The following PDE1C variants were observed in gnomAD, a reference collection of about 807,000 sequenced individuals.
PDE1C encodes phosphodiesterase 1C.
PDE1C carries 62 observed loss-of-function variants against 93.1 expected under a neutral mutation model. That is an observed-to-expected ratio of 0.67 (90% CI 0.54 to 0.82). PDE1C has a LOEUF of 0.82. PDE1C is among the 40% of genes least tolerant of loss of function. The probability of loss-of-function intolerance (pLI) is 0.00; values close to 1 mark genes in which losing one functional copy is unlikely to be tolerated. For missense variants in PDE1C, 742 were observed against 884.6 expected (o/e 0.84, Z 2.04); for synonymous variants, 325 against 310.1 (o/e 1.05, Z -0.50).
intron 2 of PDE1C, among the ~76,000 whole-genome samples, chr7:32,183,733 A>C (rs1423442623): frequency 6.6e-6 from 1 of 152,228 alleles, no homozygotes; most frequent in Non-Finnish European, 1.5e-5. Flanking sequence ...TTGAGGACAT[A>C]GGCATGGGCA....
intron 11 of PDE1C, among the ~76,000 whole-genome samples, chr7:31,836,455 C>T (rs774058191): frequency 1.7e-4 from 26 of 152,132 alleles, no homozygotes; most frequent in African/African-American, 2.4e-4. Flanking sequence ...CTGCCTCAGC[C>T]TCTCAAGTAG....
chr7:32,377,869 A>T (rs1242126366), intron 1 of PDE1C, among the ~76,000 whole-genome samples: 1 of 152,176 alleles, frequency 6.6e-6, no homozygotes, highest in Non-Finnish European at 1.5e-5. Flanking sequence ...AAACCACTGG[A>T]GACAGCATCT....
At chr7:32,176,356 T>C (rs1432725072) in intron 2 of PDE1C, among the ~76,000 whole-genome samples, 2 of 152,016 alleles carry the variant, frequency 1.3e-5, no homozygotes, top group Non-Finnish European at 2.9e-5. Flanking sequence ...AGGGGAAATA[T>C]ATTTGTTTAT....
intron 2 of PDE1C, among the ~76,000 whole-genome samples, chr7:32,177,244 T>C (rs1803060326): frequency 6.6e-6 from 1 of 152,156 alleles, no homozygotes; most frequent in Non-Finnish European, 1.5e-5. Flanking sequence ...AAGTTTTTTC[T>C]TTTGGAAGTG....
intron 2 of PDE1C, among the ~76,000 whole-genome samples, chr7:31,946,750 C>A (rs1806670393): frequency 6.6e-6 from 1 of 152,190 alleles, no homozygotes; most frequent in South Asian, 2.1e-4. Context: ...ACTTTATGCA[C>A]TCTTAAACTT....
chr7:31,638,358 A>G, the PDE1C span, among the ~76,000 whole-genome samples: 7 of 152,228 alleles, frequency 4.6e-5, no homozygotes, highest in Non-Finnish European at 1.0e-4. Flanking sequence ...CAGCTGTTCT[A>G]TTACTCAGGT....
At chr7:32,174,153 G>A (rs557532592) in intron 2 of PDE1C, among the ~76,000 whole-genome samples, 2 of 152,252 alleles carry the variant, frequency 1.3e-5, no homozygotes, top group South Asian at 2.1e-4. Context: ...CTGGTTCTGG[G>A]AAGAAGAACA....
At chr7:31,963,739 G>A (rs1202297523) in intron 2 of PDE1C, among the ~76,000 whole-genome samples, 1 of 152,180 alleles carries the variant, frequency 6.6e-6, no homozygotes, top group Admixed American at 6.5e-5. Context: ...AATAAACACA[G>A]AGTGCAGTAA....
intron 1 of PDE1C, among the ~76,000 whole-genome samples, chr7:32,218,985 A>G (rs1012880114): frequency 3.9e-4 from 60 of 152,340 alleles, no homozygotes; most frequent in African/African-American, 1.3e-3. Context: ...GCTGAGACCC[A>G]AAGGCCTGGC....
At chr7:32,190,881 G>A (rs894796882) in intron 2 of PDE1C, among the ~76,000 whole-genome samples, 2 of 152,120 alleles carry the variant, frequency 1.3e-5, no homozygotes, top group African/African-American at 4.8e-5. Flanking sequence ...TTGTAGAAGA[G>A]GTGGTCTATG....
intron 2 of PDE1C, among the ~76,000 whole-genome samples, chr7:31,888,919 T>C (rs1798295022): frequency 6.6e-6 from 1 of 152,022 alleles, no homozygotes; most frequent in Non-Finnish European, 1.5e-5. Flanking sequence ...CACAGAAACA[T>C]CAAAACGAAA....
chr7:31,659,432 C>A, the PDE1C span, among the ~76,000 whole-genome samples: 2 of 152,236 alleles, frequency 1.3e-5, no homozygotes, highest in Admixed American at 6.5e-5. Flanking sequence ...CTCACTCTTT[C>A]CCTGTCTGTT....
chr7:32,295,180 T>A (rs1013755733), intron 1 of PDE1C, among the ~76,000 whole-genome samples: 1 of 152,202 alleles, frequency 6.6e-6, no homozygotes, highest in Admixed American at 6.5e-5. Flanking sequence ...AATGGTCTCA[T>A]CTCTTTCTGG....
chr7:32,226,637 A>G (rs1807295187), intron 1 of PDE1C, among the ~76,000 whole-genome samples: 1 of 152,120 alleles, frequency 6.6e-6, no homozygotes, highest in Admixed American at 6.5e-5. Context: ...CAGCATGGGG[A>G]GAGAGTGGTC....
intron 2 of PDE1C, among the ~76,000 whole-genome samples, chr7:31,939,248 A>G (rs1256345597): frequency 6.7e-6 from 1 of 149,702 alleles, no homozygotes; most frequent in Non-Finnish European, 1.5e-5. Context: ...GGAGGAGGAG[A>G]AGGAGGAGAA....
chr7:31,846,786 G>A (rs1291206799), intron 9 of PDE1C, among the ~76,000 whole-genome samples: 1 of 152,052 alleles, frequency 6.6e-6, no homozygotes, highest in Non-Finnish European at 1.5e-5. Context: ...TTTTCCTGAA[G>A]TGGTGCAATG....
chr7:32,128,695 GTA>G (rs748806883), intron 3 of PDE1C, among the ~76,000 whole-genome samples: 27 of 151,332 alleles, frequency 1.8e-4, no homozygotes, highest in Non-Finnish European at 1.5e-4. Context: ...ACGTAAACGG[GTA>G]TCACAGCTTT....
chr7:32,105,226 T>C (rs1353862637), intron 3 of PDE1C, among the ~76,000 whole-genome samples: 1 of 152,164 alleles, frequency 6.6e-6, no homozygotes, highest in African/African-American at 2.4e-5. Flanking sequence ...CATGAGATAA[T>C]TTTCTTTTTT....
intron 1 of PDE1C, among the ~76,000 whole-genome samples, chr7:32,318,130 T>C (rs1783212339): frequency 6.6e-6 from 1 of 152,144 alleles, no homozygotes; most frequent in Non-Finnish European, 1.5e-5. Flanking sequence ...AGAAACTTCC[T>C]TTAAAAGCTT....
Sources: gnomAD v4.1 joint callset for allele counts (sites outside exome capture counted in the v4.1 genomes callset) on GRCh38, gnomAD v4.1.1 for gene constraint, MANE v1.5 for transcripts, NCBI Gene and HGNC (gene_info 2026-07-23, HGNC 2026-07-21) for gene names.